Variants in ZFPM2 observed in about 807,000 individuals in gnomAD.
The protein encoded by ZFPM2 is zinc finger protein ZFPM2.
ZFPM2 carries 20 observed loss-of-function variants against 98.6 expected under a neutral mutation model. The observed-to-expected ratio is 0.20, with a 90% CI of 0.14 to 0.29. ZFPM2 has a LOEUF of 0.29. Among genes scored for constraint, ZFPM2 ranks in the 10% least tolerant of loss-of-function variants. The pLI is 1.00. For synonymous variants in ZFPM2, 518 were observed against 502.7 expected (o/e 1.03, Z -0.41); for missense variants, 1,310 against 1,388.6 (o/e 0.94, Z 0.90).
At chr8:105,642,111 C>A (rs1269249483) in intron 5 of ZFPM2, among the ~76,000 whole-genome samples, 1 of 151,992 alleles carries the variant, frequency 6.6e-6, no homozygotes, top group East Asian at 1.9e-4. Flanking sequence ...CCAAAAGTAT[C>A]TTTGTCAGTT....
chr8:105,552,582 C>T (rs369836865), intron 3 of ZFPM2, among the ~76,000 whole-genome samples: 2 of 152,154 alleles, frequency 1.3e-5, no homozygotes, highest in Admixed American at 1.3e-4. Flanking sequence ...ATGACTTTTC[C>T]GAACATTTGC....
At chr8:105,484,104 G>A (rs1464284844) in intron 3 of ZFPM2, among the ~76,000 whole-genome samples, 2 of 151,906 alleles carry the variant, frequency 1.3e-5, no homozygotes, top group East Asian at 3.9e-4. Flanking sequence ...TCTAGGTGTG[G>A]CTTTATTTTT....
intron 3 of ZFPM2, among the ~76,000 whole-genome samples, chr8:105,448,913 G>A (rs11777142): frequency 0.22 from 33,640 of 151,822 alleles, 4,686 homozygotes; most frequent in Middle Eastern, 0.35. Flanking sequence ...TTGGAATGTT[G>A]ACCTTATTTT....
chr8:105,650,485 T>G (rs577691967), intron 5 of ZFPM2, among the ~76,000 whole-genome samples: 1 of 152,142 alleles, frequency 6.6e-6, no homozygotes, highest in Non-Finnish European at 1.5e-5. Flanking sequence ...TCAATTTTAG[T>G]TCTTTCCTGC....
intron 1 of ZFPM2, among the ~76,000 whole-genome samples, chr8:105,343,716 T>G (rs941548841): frequency 1.3e-5 from 2 of 152,052 alleles, no homozygotes; most frequent in Admixed American, 1.3e-4. Context: ...CTTGCTACAT[T>G]TATTATTTAG....
chr8:105,665,462 C>G (rs571321741), intron 5 of ZFPM2, among the ~76,000 whole-genome samples: 3 of 152,238 alleles, frequency 2.0e-5, no homozygotes, highest in Admixed American at 6.5e-5. Flanking sequence ...TTCAGAGCCT[C>G]TCTCTGAGAT....
chr8:105,493,322 T>C (rs2130439557), intron 3 of ZFPM2, among the ~76,000 whole-genome samples: 1 of 152,356 alleles, frequency 6.6e-6, no homozygotes, highest in South Asian at 2.1e-4. Flanking sequence ...CTGGAAATTC[T>C]GGCAGTGGGA....
At chr8:105,474,629 A>G (rs771484395) in intron 3 of ZFPM2, among the ~76,000 whole-genome samples, 7 of 152,222 alleles carry the variant, frequency 4.6e-5, no homozygotes, top group Non-Finnish European at 1.0e-4. Context: ...TGGAAAATTT[A>G]TATCATTTAT....
intron 4 of ZFPM2, among the ~76,000 whole-genome samples, chr8:105,604,333 A>G (rs1034569580): frequency 2.0e-5 from 3 of 151,904 alleles, no homozygotes; most frequent in East Asian, 3.9e-4. Flanking sequence ...TGAGGACACC[A>G]TCATCTCTTA....
chr8:105,552,552 G>A (rs1475567337), intron 3 of ZFPM2, among the ~76,000 whole-genome samples: 2 of 152,060 alleles, frequency 1.3e-5, no homozygotes, highest in African/African-American at 2.4e-5. Context: ...AGTCTCCAAC[G>A]ACCACAGCTC....
rs1814304277 is a variant in ZFPM2 at position 105,531,856 on chromosome 8, G to T, written c.302-29507G>T. ...CAAAGAACTTTTCTGCTACTGTAATGGGTCATTTAAAAATCCGAATCAATT... is the reference window on the plus strand; with the variant it reads ...CAAAGAACTTTTCTGCTACTGTAATTGGTCATTTAAAAATCCGAATCAATT... On this transcript the variant is annotated intron_variant, in intron 3 of 7. Coordinates refer to ENST00000407775, the MANE Select transcript of ZFPM2 (RefSeq NM_012082.4). 3.9e-5 allele frequency among the ~76,000 whole-genome samples: 6 copies of T among 152,030 alleles called. No homozygotes were observed. In the South Asian group the frequency reaches 1.2e-3, roughly 32 times the overall value.
intron 1 of ZFPM2, among the ~76,000 whole-genome samples, chr8:105,405,648 A>G (rs1811435742): frequency 6.6e-6 from 1 of 151,840 alleles, no homozygotes; most frequent in South Asian, 2.1e-4. Context: ...CATGGTGTAT[A>G]TGTGCCACAT....
At chr8:105,521,725 G>C (rs1814066066) in intron 3 of ZFPM2, among the ~76,000 whole-genome samples, 1 of 152,076 alleles carries the variant, frequency 6.6e-6, no homozygotes, top group African/African-American at 2.4e-5. Flanking sequence ...TTATAGGCAT[G>C]TGCCACCATG....
At chr8:105,492,924 G>A (rs1466532730) in intron 3 of ZFPM2, among the ~76,000 whole-genome samples, 1 of 152,150 alleles carries the variant, frequency 6.6e-6, no homozygotes, top group African/African-American at 2.4e-5. Context: ...ATTTGCAGTA[G>A]TTAGGAATGC....
chr8:105,408,499 C>T (rs2130022244), intron 1 of ZFPM2, among the ~76,000 whole-genome samples: 1 of 151,924 alleles, frequency 6.6e-6, no homozygotes, highest in Admixed American at 6.6e-5. Flanking sequence ...CCCCCTTCGT[C>T]TTGTTAGGGT....
chr8:105,391,511 G>A (rs1811108050), intron 1 of ZFPM2, among the ~76,000 whole-genome samples: 1 of 152,174 alleles, frequency 6.6e-6, no homozygotes, highest in Non-Finnish European at 1.5e-5. Context: ...CTGTTTGATA[G>A]TATTTTATCT....
At chr8:105,512,465 A>G (rs1813836946) in intron 3 of ZFPM2, among the ~76,000 whole-genome samples, 1 of 152,206 alleles carries the variant, frequency 6.6e-6, no homozygotes, top group African/African-American at 2.4e-5. Flanking sequence ...CAGTCCATGA[A>G]TAGTGGATAT....
intron 5 of ZFPM2, among the ~76,000 whole-genome samples, chr8:105,693,303 AG>A (rs1214859872): frequency 1.3e-5 from 2 of 152,046 alleles, no homozygotes; most frequent in African/African-American, 2.4e-5. Flanking sequence ...TGTGTAGAGA[AG>A]GTCAAGTGTA....
At chr8:105,444,251 C>T (rs376087520) in intron 2 of ZFPM2, 29 bp from the exon 3 acceptor site, 1 of 1,562,804 alleles carries the variant, frequency 6.4e-7, no homozygotes, top group African/African-American at 1.4e-5. Context: ...TGCTCATTTT[C>T]TTTCTCTCCT....
Sources: gnomAD v4.1 joint callset for allele counts (sites outside exome capture counted in the v4.1 genomes callset) on GRCh38, gnomAD v4.1.1 for gene constraint, MANE v1.5 for transcripts, NCBI Gene and HGNC (gene_info 2026-07-23, HGNC 2026-07-21) for gene names.